SDC2: variants seen among roughly 807,000 people sequenced by gnomAD.
SDC2 encodes the protein syndecan-2.
In SDC2, 13 loss-of-function variants were observed where a neutral mutation model predicts 22.2. The observed-to-expected ratio is 0.59, with a 90% CI of 0.38 to 0.93. The LOEUF is 0.93. Ranked by LOEUF, SDC2 falls within the 40% of genes least tolerant of loss-of-function variation. The pLI, the probability that SDC2 is intolerant of heterozygous loss-of-function variation, is 0.00. For missense variants in SDC2, 235 were observed against 246.8 expected (o/e 0.95, Z 0.32); for synonymous variants, 94 against 92.8 (o/e 1.01, Z -0.07).
At chr8:96,582,497 A>G (rs1814605527) in intron 1 of SDC2, among the ~76,000 whole-genome samples, 1 of 152,104 alleles carries the variant, frequency 6.6e-6, no homozygotes, top group South Asian at 2.1e-4. Flanking sequence ...AGATTTTTAA[A>G]TTTTTAAGAG....
intron 1 of SDC2, among the ~76,000 whole-genome samples, chr8:96,532,412 G>GTTTTTT (rs35452131): frequency 0.012 from 571 of 47,874 alleles, 64 homozygotes; most frequent in African/African-American, 0.048. Flanking sequence ...TTATTGAGGC[G>GTTTTTT]TTTTTTTTTT....
chr8:96,599,093 C>G (rs772584210), intron 2 of SDC2, among the ~76,000 whole-genome samples: 1 of 151,766 alleles, frequency 6.6e-6, no homozygotes, highest in Non-Finnish European at 1.5e-5. Flanking sequence ...AGGCGCCCAC[C>G]ACCACACCTG....
At chr8:96,557,813 AG>A (rs1201251337) in intron 1 of SDC2, among the ~76,000 whole-genome samples, 4 of 152,196 alleles carry the variant, frequency 2.6e-5, no homozygotes, top group Admixed American at 6.5e-5. Context: ...CTTGCTGAAC[AG>A]TATTTTTATC....
chr8:96,561,502 G>T (rs1454044412), intron 1 of SDC2, among the ~76,000 whole-genome samples: 1 of 152,164 alleles, frequency 6.6e-6, no homozygotes, highest in Admixed American at 6.5e-5. Flanking sequence ...TGCTGTACAG[G>T]TTGTGTGGGG....
rs538052629 is a variant in SDC2, at chr8:96,560,062, C to T, written c.61-33418C>T. On this transcript the variant is annotated intron_variant, in intron 1 of 4. Transcript: ENST00000302190. ...TTTAGCATATTTAGAGTTGTGGAACCATCACTACAATCAATTTTAGAACTT... is the reference window on the plus strand; with the variant it reads ...TTTAGCATATTTAGAGTTGTGGAACTATCACTACAATCAATTTTAGAACTT... 2.1e-3 allele frequency among the ~76,000 whole-genome samples: 325 copies of T among 152,174 alleles called. 2 individuals carry two copies. The highest frequency in any genetic ancestry group is 7.6e-3 in the African/African-American group (317 of 41,520).
intron 1 of SDC2, among the ~76,000 whole-genome samples, chr8:96,560,857 A>G (rs59969750): frequency 9.5e-4 from 144 of 152,282 alleles, no homozygotes; most frequent in African/African-American, 2.6e-3. Context: ...TGTAATCCCA[A>G]CACTTTGGGA....
chr8:96,572,645 C>G (rs1814416184), intron 1 of SDC2, among the ~76,000 whole-genome samples: 1 of 152,148 alleles, frequency 6.6e-6, no homozygotes, highest in Admixed American at 6.5e-5. Flanking sequence ...ATCTGAACCA[C>G]AAACCAGAAA....
In SDC2 at chr8:96,494,218, T is replaced by G; in HGVS notation, c.-54T>G. ...CTGCGCCGAGCGCTGGGCAGGAGGC[T>G]TCGTTTTGCCCTGGTTGCAAGCAGC... On this transcript the variant is annotated 5_prime_UTR_variant, in exon 1 of 5. Transcript: ENST00000302190. 6.6e-7 allele frequency: 1 copy of G among 1,520,938 alleles called. No individual in the cohort carries two copies. The highest frequency in any genetic ancestry group is 1.2e-5 in the South Asian group (1 of 83,168). 94.2% of individuals were successfully genotyped at this position (1,520,938 alleles called of 1,614,324 possible).
chr8:96,563,540 A>C (rs1186553938), intron 1 of SDC2, among the ~76,000 whole-genome samples: 1 of 152,062 alleles, frequency 6.6e-6, no homozygotes, highest in African/African-American at 2.4e-5. Flanking sequence ...CAGACTCCAC[A>C]TGGAGGCCTT....
intron 1 of SDC2, among the ~76,000 whole-genome samples, chr8:96,525,100 C>G (rs1162101417): frequency 3.9e-5 from 6 of 152,166 alleles, no homozygotes; most frequent in Non-Finnish European, 8.8e-5. Context: ...GCCCTGCTCT[C>G]CCTCTCTTCT....
At chr8:96,516,539 C>T (rs971358344) in intron 1 of SDC2, among the ~76,000 whole-genome samples, 4 of 151,470 alleles carry the variant, frequency 2.6e-5, no homozygotes, top group African/African-American at 9.7e-5. Flanking sequence ...TTTAATCACC[C>T]CCCCACCTCA....
intron 1 of SDC2, among the ~76,000 whole-genome samples, chr8:96,578,813 A>G (rs777337758): frequency 4.6e-5 from 7 of 152,218 alleles, no homozygotes; most frequent in Non-Finnish European, 1.0e-4. Flanking sequence ...AAAGAAAGAA[A>G]GAAAAGAAAA....
At chr8:96,500,256 T>G (rs1266996971) in intron 1 of SDC2, among the ~76,000 whole-genome samples, 1 of 152,058 alleles carries the variant, frequency 6.6e-6, no homozygotes, top group Non-Finnish European at 1.5e-5. Context: ...GAGTTAGAAT[T>G]TAGTCTGTAT....
intron 1 of SDC2, among the ~76,000 whole-genome samples, chr8:96,579,798 A>G (rs1158740834): frequency 6.6e-6 from 1 of 152,236 alleles, no homozygotes; most frequent in Non-Finnish European, 1.5e-5. Context: ...AAGGCAGGAT[A>G]ACGTATGGCT....
chr8:96,567,542 A>T (rs990611450), intron 1 of SDC2, among the ~76,000 whole-genome samples: 1 of 152,094 alleles, frequency 6.6e-6, no homozygotes, highest in Non-Finnish European at 1.5e-5. Context: ...CCACCTTACC[A>T]TTCAGTATGC....
rs1191302558 is a variant in SDC2, at chr8:96,591,781, G to GCTTTTT, written c.61-1697_61-1692dup. Among the ~76,000 whole-genome samples the GCTTTTT allele has an allele frequency of 2.0e-5, 3 of 152,022 alleles. No individual in the cohort carries two copies. In the South Asian group the frequency reaches 6.2e-4, roughly 32 times the overall value. ...TTTAAGACAAGCAGGACGGAGAATG[G>GCTTTTT]CTTTTTCATGGGAGCACGAATGGTG... is the stretch of plus-strand genomic sequence containing the variant. On this transcript the variant is annotated intron_variant, in intron 1 of 4. Coordinates refer to ENST00000302190, the MANE Select transcript of SDC2 (RefSeq NM_002998.4).
chr8:96,494,944 G>C (rs11786987), intron 1 of SDC2, among the ~76,000 whole-genome samples: 37,893 of 152,162 alleles, frequency 0.25, 4,901 homozygotes, highest in Non-Finnish European at 0.3. Context: ...AATCGCAGTA[G>C]GCGATCCCTC....
intron 1 of SDC2, among the ~76,000 whole-genome samples, chr8:96,550,521 GTATTAT>G (rs113426929): frequency 7.9e-5 from 12 of 152,056 alleles, no homozygotes; most frequent in African/African-American, 2.9e-4. Context: ...ATGACTGATG[GTATTAT>G]TATTGTTAAC....
chr8:96,562,761 G>A (rs1814231376), intron 1 of SDC2, among the ~76,000 whole-genome samples: 1 of 152,164 alleles, frequency 6.6e-6, no homozygotes, highest in Non-Finnish European at 1.5e-5. Flanking sequence ...TTCAAGCAGA[G>A]CTTTTGTGCT....
Sources: gnomAD v4.1 joint callset for allele counts (sites outside exome capture counted in the v4.1 genomes callset) on GRCh38, gnomAD v4.1.1 for gene constraint, MANE v1.5 for transcripts, NCBI Gene and HGNC (gene_info 2026-07-23, HGNC 2026-07-21) for gene names.